Variants in PPM1L observed in about 807,000 individuals in gnomAD.
PPM1L encodes the protein protein phosphatase, Mg2+/Mn2+ dependent 1L, also known as protein phosphatase 1L.
In PPM1L, 13 loss-of-function variants were observed where a neutral mutation model predicts 31.4. The ratio of observed to expected loss-of-function variants is 0.41; its 90% CI spans 0.27 to 0.66. The LOEUF (loss-of-function observed/expected upper bound fraction) is 0.66. Ranked by LOEUF, PPM1L falls within the 30% of genes least tolerant of loss-of-function variation. The probability of loss-of-function intolerance (pLI) is 0.29; values close to 1 mark genes in which losing one functional copy is unlikely to be tolerated. For synonymous variants in PPM1L, 184 were observed against 175.4 expected, an observed-to-expected ratio of 1.05 and a Z score of -0.39; for missense variants, 326 against 453.7, an observed-to-expected ratio of 0.72 and a Z score of 2.56.
intron 1 of PPM1L, among the ~76,000 whole-genome samples, chr3:160,861,124 G>T (rs1247861327): frequency 6.6e-6 from 1 of 152,162 alleles, no homozygotes; most frequent in Non-Finnish European, 1.5e-5. Context: ...TATCATCAGT[G>T]GCGCAGCTGG....
chr3:160,838,195 A>G (rs2108102768), intron 1 of PPM1L, among the ~76,000 whole-genome samples: 1 of 152,296 alleles, frequency 6.6e-6, no homozygotes, highest in South Asian at 2.1e-4. Context: ...TTCCATGGTT[A>G]TGAAGTAGTA....
chr3:160,796,916 G>A (rs1712265688), intron 1 of PPM1L, among the ~76,000 whole-genome samples: 1 of 152,080 alleles, frequency 6.6e-6, no homozygotes, highest in African/African-American at 2.4e-5. Context: ...CAAATACCCT[G>A]GATAATCTAG....
chr3:160,978,743 T>C (rs1377869938), intron 2 of PPM1L, among the ~76,000 whole-genome samples: 1 of 152,046 alleles, frequency 6.6e-6, no homozygotes, highest in Non-Finnish European at 1.5e-5. Context: ...TGCAGGAAGA[T>C]TGCTTGAGCC....
intron 2 of PPM1L, among the ~76,000 whole-genome samples, chr3:160,984,557 A>T (rs1197350993): frequency 6.6e-6 from 1 of 152,210 alleles, no homozygotes; most frequent in African/African-American, 2.4e-5. Context: ...AGATTAAAGT[A>T]AAGACAGGTA....
chr3:160,784,456 A>G (rs1480471886), intron 1 of PPM1L, among the ~76,000 whole-genome samples: 2 of 151,908 alleles, frequency 1.3e-5, no homozygotes, highest in Non-Finnish European at 2.9e-5. Flanking sequence ...TGGAGCTTTA[A>G]TGGATATTAG....
At chr3:160,901,459 C>G (rs1003701321) in intron 1 of PPM1L, among the ~76,000 whole-genome samples, 2 of 152,124 alleles carry the variant, frequency 1.3e-5, no homozygotes, top group Admixed American at 6.6e-5. Context: ...ACCTCACACT[C>G]TAAACTCATC....
chr3:160,964,696 A>G (rs1716076997), intron 2 of PPM1L, among the ~76,000 whole-genome samples: 1 of 152,006 alleles, frequency 6.6e-6, no homozygotes, highest in Non-Finnish European at 1.5e-5. Flanking sequence ...AGCAACATCT[A>G]TTTGATAAAA....
intron 2 of PPM1L, among the ~76,000 whole-genome samples, chr3:161,033,574 A>G (rs1333075091): frequency 6.6e-6 from 1 of 152,216 alleles, no homozygotes; most frequent in Non-Finnish European, 1.5e-5. Flanking sequence ...CAAAGCTGAC[A>G]AAAACAAGCA....
At chr3:160,932,476 G>A (rs181750120) in intron 1 of PPM1L, among the ~76,000 whole-genome samples, 3 of 152,158 alleles carry the variant, frequency 2.0e-5, no homozygotes, top group South Asian at 2.1e-4. Flanking sequence ...CAAGCTGAGG[G>A]TGGTGATAAT....
intron 1 of PPM1L, among the ~76,000 whole-genome samples, chr3:160,798,835 C>A (rs1252828457): frequency 2.0e-5 from 3 of 152,106 alleles, no homozygotes; most frequent in Non-Finnish European, 4.4e-5. Flanking sequence ...TGGATCTGGG[C>A]AAAGCACATT....
intron 2 of PPM1L, chr3:161,036,169 G>T (rs1377702216): frequency 6.6e-6 from 1 of 152,136 alleles, no homozygotes; most frequent in Non-Finnish European, 1.5e-5. Context: ...TCTTCATATG[G>T]TATAATCACT....
At chr3:160,917,727 A>G (rs1465021977) in intron 1 of PPM1L, among the ~76,000 whole-genome samples, 2 of 152,196 alleles carry the variant, frequency 1.3e-5, no homozygotes, top group Non-Finnish European at 2.9e-5. Flanking sequence ...TATTTTAAAA[A>G]AAACATGATT....
chr3:160,769,773 G>T (rs1715200937), intron 1 of PPM1L, among the ~76,000 whole-genome samples: 1 of 151,998 alleles, frequency 6.6e-6, no homozygotes, highest in Admixed American at 6.6e-5. Flanking sequence ...TAGGATTTTT[G>T]TTCTTTAATT....
At chr3:160,901,637 A>G (rs1377495182) in intron 1 of PPM1L, among the ~76,000 whole-genome samples, 3 of 152,116 alleles carry the variant, frequency 2.0e-5, no homozygotes, top group African/African-American at 2.4e-5. Context: ...GACCCTGCGC[A>G]TAGGTCACCT....
intron 1 of PPM1L, among the ~76,000 whole-genome samples, chr3:160,773,853 C>A (rs1037224221): frequency 1.3e-5 from 2 of 152,052 alleles, no homozygotes; most frequent in Admixed American, 6.5e-5. Flanking sequence ...CAGAGACTCA[C>A]CCCCTTGGTT....
At chr3:160,841,601 ATAAT>A (rs1208746567) in intron 1 of PPM1L, among the ~76,000 whole-genome samples, 3 of 152,188 alleles carry the variant, frequency 2.0e-5, no homozygotes, top group African/African-American at 7.2e-5. Flanking sequence ...GGACTTTCTT[ATAAT>A]TCTTTTCTTC....
Position 160,835,039 on chromosome 3 carries a change from A to ACTACTTCTT in PPM1L, c.399+78334_399+78335insACTTCTTCT, listed in dbSNP as rs760363593. Among the ~76,000 whole-genome samples, 146 of 131,814 alleles carry ACTACTTCTT rather than the reference A, an allele frequency of 1.1e-3. No individual in the cohort carries two copies. The Middle Eastern group carries it at 0.011, about 10-fold the overall frequency. The allele number at this position is 131,814 out of a possible 152,430, so 86.5% of individuals were successfully genotyped here. ...TACTACTACTACTATTACTACTACT[A>ACTACTTCTT]CTTCTTCTTCTTCTTCTTCTTCTTC... On this transcript the variant is annotated intron_variant, in intron 1 of 3. Coordinates refer to ENST00000498165, the MANE Select transcript of PPM1L (RefSeq NM_139245.4).
chr3:160,856,750 G>A (rs535281015), intron 1 of PPM1L, among the ~76,000 whole-genome samples: 4 of 151,560 alleles, frequency 2.6e-5, no homozygotes, highest in Middle Eastern at 3.4e-3. Flanking sequence ...TCAAACCTTC[G>A]TGACATGTAA....
At chr3:160,823,392 T>C (rs1323220040) in intron 1 of PPM1L, among the ~76,000 whole-genome samples, 1 of 151,524 alleles carries the variant, frequency 6.6e-6, no homozygotes, top group Non-Finnish European at 1.5e-5. Flanking sequence ...TTTGTATTTT[T>C]AGTAGAGATC....
Sources: allele counts gnomAD v4.1 joint callset (sites outside exome capture counted in the v4.1 genomes callset), GRCh38; gene constraint gnomAD v4.1.1; transcripts MANE v1.5; gene names NCBI Gene and HGNC (gene_info 2026-07-23, HGNC 2026-07-21).